The following KCNH7 variants were observed in gnomAD, a reference collection of about 807,000 sequenced individuals.
KCNH7 encodes potassium voltage-gated channel subfamily H member 7.
Under a neutral mutation model 120.8 loss-of-function variants are expected in KCNH7, and 49 were observed. The observed-to-expected ratio is 0.41, with a 90% CI of 0.32 to 0.51. The LOEUF (loss-of-function observed/expected upper bound fraction) is 0.51, where lower values mean the gene tolerates loss of function less well. Ranked by LOEUF, KCNH7 falls within the 20% of genes least tolerant of loss-of-function variation. KCNH7 has a pLI of 0.38. For missense variants in KCNH7, 1,097 were observed against 1,446.6 expected (o/e 0.76, Z 3.92); for synonymous variants, 547 against 516.1 (o/e 1.06, Z -0.81).
intron 6 of KCNH7, among the ~76,000 whole-genome samples, chr2:162,504,010 CTTAGATCTGACTCTA>C (rs1690778704): frequency 6.6e-6 from 1 of 152,044 alleles, no homozygotes; most frequent in African/African-American, 2.4e-5. Context: ...AGTTAACTGA[CTTAGATCTGACTCTA>C]TTTAGTAGAG....
At chr2:162,495,625 G>C (rs2105729104) in intron 6 of KCNH7, among the ~76,000 whole-genome samples, 1 of 152,258 alleles carries the variant, frequency 6.6e-6, no homozygotes, top group South Asian at 2.1e-4. Context: ...GAGGACTGGA[G>C]AGAGAAAAAT....
At chr2:162,457,719 C>T (rs1347111004) in intron 6 of KCNH7, among the ~76,000 whole-genome samples, 5 of 152,122 alleles carry the variant, frequency 3.3e-5, no homozygotes, top group African/African-American at 1.2e-4. Flanking sequence ...TGAAGCTGCT[C>T]ATCAGTTATT....
chr2:162,487,682 T>A (rs552954708), intron 6 of KCNH7, among the ~76,000 whole-genome samples: 35 of 152,336 alleles, frequency 2.3e-4, no homozygotes, highest in Non-Finnish European at 4.9e-4. Flanking sequence ...ATAAATGAGA[T>A]CTGCAAAATA....
At chr2:162,385,221 T>G (rs80055528) in intron 12 of KCNH7, among the ~76,000 whole-genome samples, 4 of 151,918 alleles carry the variant, frequency 2.6e-5, no homozygotes, top group African/African-American at 9.7e-5. Context: ...TCAAGTTATT[T>G]GTATTCTGAG....
chr2:162,397,136 T>C (rs1573911424), intron 10 of KCNH7, among the ~76,000 whole-genome samples, 191 bp from the exon 11 acceptor site: 1 of 151,860 alleles, frequency 6.6e-6, no homozygotes, highest in East Asian at 2.0e-4. Flanking sequence ...GGGTGATTGG[T>C]CCTTTTATTT....
intron 2 of KCNH7, among the ~76,000 whole-genome samples, chr2:162,672,373 T>C (rs1685389969): frequency 6.6e-6 from 1 of 152,010 alleles, no homozygotes; most frequent in Non-Finnish European, 1.5e-5. Context: ...GATGATCAAA[T>C]ACTTGAAAAT....
At chr2:162,708,125 A>G (rs1335582012) in intron 2 of KCNH7, among the ~76,000 whole-genome samples, 2 of 151,938 alleles carry the variant, frequency 1.3e-5, no homozygotes, top group African/African-American at 4.8e-5. Flanking sequence ...GTGACAAAGA[A>G]TTTTATTTTG....
chr2:162,480,100 T>C (rs532557347), intron 6 of KCNH7, among the ~76,000 whole-genome samples: 2 of 151,930 alleles, frequency 1.3e-5, no homozygotes, highest in South Asian at 4.1e-4. Flanking sequence ...CATTAGATTA[T>C]GCTATAAAAA....
intron 2 of KCNH7, among the ~76,000 whole-genome samples, chr2:162,604,995 A>G (rs1320131171): frequency 1.3e-5 from 2 of 152,136 alleles, no homozygotes; most frequent in African/African-American, 4.8e-5. Flanking sequence ...TACATTAGGG[A>G]AAATAACTTC....
intron 6 of KCNH7, among the ~76,000 whole-genome samples, chr2:162,486,594 T>C (rs1390949077): frequency 6.6e-6 from 1 of 152,160 alleles, no homozygotes; most frequent in Non-Finnish European, 1.5e-5. Flanking sequence ...GAAAAAATAT[T>C]CCTATTACGC....
chr2:162,711,476 C>T (rs1036603174), intron 2 of KCNH7, among the ~76,000 whole-genome samples: 2 of 152,300 alleles, frequency 1.3e-5, no homozygotes, highest in Admixed American at 1.3e-4. Flanking sequence ...GTGCGTTGCT[C>T]AACAAAAATC....
At chr2:162,815,506 A>G (rs1684885839) in intron 2 of KCNH7, among the ~76,000 whole-genome samples, 1 of 152,206 alleles carries the variant, frequency 6.6e-6, no homozygotes, top group Non-Finnish European at 1.5e-5. Context: ...GTGATTTTGA[A>G]TTGATTTTGA....
intron 2 of KCNH7, among the ~76,000 whole-genome samples, chr2:162,681,524 G>T (rs1449838976): frequency 6.6e-6 from 1 of 151,638 alleles, no homozygotes; most frequent in African/African-American, 2.4e-5. Flanking sequence ...AGAGAAAATA[G>T]AAAAATGTAC....
At chr2:162,543,247 AC>A (rs1692371877) in intron 2 of KCNH7, among the ~76,000 whole-genome samples, 1 of 151,814 alleles carries the variant, frequency 6.6e-6, no homozygotes, top group South Asian at 2.1e-4. Flanking sequence ...GTCTAAAGAA[AC>A]ATCCTTAACA....
At position 162,598,390 on chromosome 2, in the gene KCNH7, G is replaced by T. The variant is rs894603824; in HGVS notation, c.308-61310C>A. 2.6e-5 allele frequency among the ~76,000 whole-genome samples: 4 copies of T among 152,018 alleles called. No individual in the cohort carries two copies. The East Asian group carries it at 7.7e-4, about 29-fold the overall frequency. ...ATACAGAGACTAATTTGATGGAAAA[G>T]TGATACAAATGATAAATATCTACAT... On this transcript the variant is annotated intron_variant, in intron 2 of 15. Transcript: ENST00000332142.
At chr2:162,628,142 C>T (rs1227964121) in intron 2 of KCNH7, among the ~76,000 whole-genome samples, 1 of 152,048 alleles carries the variant, frequency 6.6e-6, no homozygotes, top group East Asian at 1.9e-4. Flanking sequence ...GCATAAATTG[C>T]ATTGTAAATG....
chr2:162,800,085 CAACA>C (rs1573902718), intron 2 of KCNH7, among the ~76,000 whole-genome samples: 2 of 151,584 alleles, frequency 1.3e-5, no homozygotes, highest in African/African-American at 4.8e-5. Context: ...CCTTCCACCA[CAACA>C]AACAATGAGT....
intron 2 of KCNH7, among the ~76,000 whole-genome samples, chr2:162,590,045 T>G (rs1483362436): frequency 2.6e-5 from 4 of 152,102 alleles, no homozygotes; most frequent in Non-Finnish European, 1.5e-5. Flanking sequence ...AGAAAGTGTT[T>G]GTTAAGGGAC....
At chr2:162,766,555 T>C (rs1043002824) in intron 2 of KCNH7, among the ~76,000 whole-genome samples, 2 of 152,176 alleles carry the variant, frequency 1.3e-5, no homozygotes, top group Non-Finnish European at 2.9e-5. Context: ...AAAGCTTGAT[T>C]AGTGGAGAAC....
Sources: allele counts gnomAD v4.1 joint callset (sites outside exome capture counted in the v4.1 genomes callset), GRCh38; gene constraint gnomAD v4.1.1; transcripts MANE v1.5; gene names NCBI Gene and HGNC (gene_info 2026-07-23, HGNC 2026-07-21).